The following ADAMTS20 variants were observed in gnomAD, a reference collection of about 807,000 sequenced individuals.
The protein encoded by ADAMTS20 is ADAM metallopeptidase with thrombospondin type 1 motif 20, also known as A disintegrin and metalloproteinase with thrombospondin motifs 20.
Under a neutral mutation model 260.1 loss-of-function variants are expected in ADAMTS20, and 225 were observed. That is an observed-to-expected ratio of 0.87 (90% CI 0.78 to 0.97). ADAMTS20 has a LOEUF of 0.97. Ranked by LOEUF, ADAMTS20 falls within the 50% of genes least tolerant of loss-of-function variation. ADAMTS20 has a pLI of 0.00. For missense variants in ADAMTS20, 2,400 were observed against 2,337.7 expected, an observed-to-expected ratio of 1.03 and a Z score of -0.55; for synonymous variants, 802 against 769.5, an observed-to-expected ratio of 1.04 and a Z score of -0.70.
In ADAMTS20 at chr12:43,383,558, C is replaced by T; in HGVS notation, c.4797G>A (p.Gln1599=). 2 of 1,605,582 alleles carry T rather than the reference C, an allele frequency of 1.2e-6. No homozygotes were observed. Among genetic ancestry groups the T allele is most frequent in the Non-Finnish European group, 1.7e-6 (2 of 1,176,172 alleles). Residue 1599 remains glutamine (Q), a splice_region_variant and synonymous_variant, in exon 31 of 39, where the codon CAG becomes CAA. Transcript: ENST00000389420. Reference sequence around the variant, plus strand: ...TCTCAACTTCCTTTCTTTACCTTACCTGTGATGAGTCTGCTGTTACCACAA... The same window carrying T: ...TCTCAACTTCCTTTCTTTACCTTACTTGTGATGAGTCTGCTGTTACCACAA... The part of the protein sequence containing the change: ...NYIVVTADSS[Q]CANNCGFSYR...
chr12:43,460,988 A>ATATATTTTTTTTTT, intron 11 of ADAMTS20, among the ~76,000 whole-genome samples: 4 of 26,396 alleles, frequency 1.5e-4, no homozygotes, highest in African/African-American at 3.8e-4. Flanking sequence ...ATATATATAT[A>ATATATTTTTTTTTT]TTTTTTTTTT....
intron 3 of ADAMTS20, among the ~76,000 whole-genome samples, chr12:43,515,132 A>C (rs977258038): frequency 6.6e-6 from 1 of 152,192 alleles, no homozygotes; most frequent in African/African-American, 2.4e-5. Context: ...ACAATCTCTA[A>C]CTATCTGCTC....
chr12:43,467,448 A>G (rs573672748), intron 8 of ADAMTS20, among the ~76,000 whole-genome samples: 6 of 152,078 alleles, frequency 3.9e-5, no homozygotes, highest in Admixed American at 2.6e-4. Flanking sequence ...GAACACTGAA[A>G]CCACTTAATT....
At chr12:43,388,867 A>G (rs1940539311) in intron 29 of ADAMTS20, among the ~76,000 whole-genome samples, 1 of 152,204 alleles carries the variant, frequency 6.6e-6, no homozygotes, top group Admixed American at 6.5e-5. Context: ...TTCTACATCC[A>G]GTGAGAGTCC....
rs574097080 is a variant in ADAMTS20 at position 43,378,883 on chromosome 12, T to C, written c.4798-1321A>G. Among the ~76,000 whole-genome samples the C allele has an allele frequency of 6.6e-5, 10 of 152,318 alleles. No homozygotes were observed. The South Asian group carries it at 1.7e-3, about 25-fold the overall frequency. Reference sequence around the variant, plus strand: ...TCAGTTTTTTCAGAACTCTAGAAACTGACCAAAGACTTGCAGCAATCCAGA... The same window carrying C: ...TCAGTTTTTTCAGAACTCTAGAAACCGACCAAAGACTTGCAGCAATCCAGA... On this transcript the variant is annotated intron_variant, in intron 31 of 38. Transcript: ENST00000389420.
At chr12:43,389,311 A>G (rs1048847450) in intron 29 of ADAMTS20, among the ~76,000 whole-genome samples, 2 of 152,216 alleles carry the variant, frequency 1.3e-5, no homozygotes, top group African/African-American at 4.8e-5. Context: ...ACACAACACA[A>G]TGGTGGTACA....
In ADAMTS20 at chr12:43,438,561, T is replaced by A. The variant is rs993518517; in HGVS notation, c.2593+1061A>T. Among the ~76,000 whole-genome samples the A allele has an allele frequency of 4.6e-5, 7 of 152,262 alleles. No individual in the cohort carries two copies. The East Asian group carries it at 1.4e-3, about 29-fold the overall frequency. ...ATCATTCTGGGAAGCACTGTCCAGA[T>A]GCCACAGGACCAAGACTGTGCCTTT... On this transcript the variant is annotated intron_variant, in intron 18 of 38. Coordinates refer to ENST00000389420, the MANE Select transcript of ADAMTS20 (RefSeq NM_025003.5).
intron 37 of ADAMTS20, among the ~76,000 whole-genome samples, chr12:43,362,161 T>C (rs1196266644): frequency 4.6e-5 from 7 of 152,188 alleles, no homozygotes; most frequent in Admixed American, 4.6e-4. Flanking sequence ...GAATGTATAA[T>C]CTCCATTTAA....
intron 3 of ADAMTS20, among the ~76,000 whole-genome samples, chr12:43,504,917 T>G (rs1433226524): frequency 6.6e-6 from 1 of 152,118 alleles, no homozygotes; most frequent in Non-Finnish European, 1.5e-5. Context: ...TCTGGCAAAT[T>G]TTAAATTAGA....
In ADAMTS20 at chr12:43,414,142, G is replaced by T. The variant is rs149581680; in HGVS notation, c.4284+11372C>A. Reference sequence around the variant, plus strand: ...ATTTTTTAAAAGGAGAAATAGTGCAGGGAGACTAATCTTTCTTCTCTTAAG... The same window carrying T: ...ATTTTTTAAAAGGAGAAATAGTGCATGGAGACTAATCTTTCTTCTCTTAAG... On this transcript the variant is annotated intron_variant, in intron 28 of 38. Transcript: ENST00000389420. Among the ~76,000 whole-genome samples the T allele has an allele frequency of 4.5e-4, 68 of 152,212 alleles. 1 individual carries two copies. In the East Asian group the frequency reaches 0.012, roughly 27 times the overall value.
At chr12:43,436,682 A>G (rs1209375539) in intron 18 of ADAMTS20, among the ~76,000 whole-genome samples, 1 of 152,184 alleles carries the variant, frequency 6.6e-6, no homozygotes, top group African/African-American at 2.4e-5. Flanking sequence ...CATAAGACAC[A>G]GCTGAGAAAA....
At chr12:43,361,701 G>T (rs146656824) in intron 37 of ADAMTS20, among the ~76,000 whole-genome samples, 265 of 152,288 alleles carry the variant, frequency 1.7e-3, no homozygotes, top group African/African-American at 6.0e-3. Flanking sequence ...GAGTTAGAAA[G>T]AAATGGAAAT....
At chr12:43,447,664 G>T (rs117414982) in intron 14 of ADAMTS20, among the ~76,000 whole-genome samples, 3,646 of 152,120 alleles carry the variant, frequency 0.024, 69 homozygotes, top group East Asian at 0.079. Context: ...AAGAAAAAAA[G>T]AAAGGGCATC....
At chr12:43,362,278 G>T (rs1465906588) in intron 37 of ADAMTS20, among the ~76,000 whole-genome samples, 1 of 152,166 alleles carries the variant, frequency 6.6e-6, no homozygotes, top group African/African-American at 2.4e-5. Flanking sequence ...TTAAGAACAC[G>T]TATAAAAAGA....
At chr12:43,429,879 C>T (rs1941407325) in intron 23 of ADAMTS20, among the ~76,000 whole-genome samples, 155 bp from the exon 24 acceptor site, 1 of 152,150 alleles carries the variant, frequency 6.6e-6, no homozygotes, top group Non-Finnish European at 1.5e-5. Context: ...GCACTAACTA[C>T]AGTATCGTCA....
chr12:43,363,913 G>A (rs1939928400), intron 37 of ADAMTS20, among the ~76,000 whole-genome samples: 1 of 152,134 alleles, frequency 6.6e-6, no homozygotes, highest in Non-Finnish European at 1.5e-5. Flanking sequence ...AGTTATTTAT[G>A]CCCCCAAAAT....
At chr12:43,479,659 A>G (rs752892398) in intron 7 of ADAMTS20, among the ~76,000 whole-genome samples, 1 of 152,084 alleles carries the variant, frequency 6.6e-6, no homozygotes, top group East Asian at 1.9e-4. Flanking sequence ...GAAAATACCA[A>G]TAAAAACTTA....
Position 43,506,462 on chromosome 12 carries a change from AT to A in ADAMTS20, c.614-4058del, listed in dbSNP as rs575834255. On this transcript the variant is annotated intron_variant, in intron 3 of 38. Transcript: ENST00000389420. ...AAGTGCACACGTAAAAAGGGTTAAG[AT>A]GGCAAACCTCATGTTACCTTTTTTT... is the stretch of plus-strand genomic sequence containing the variant. Among the ~76,000 whole-genome samples, 71 of 151,992 alleles carry A rather than the reference AT, an allele frequency of 4.7e-4. 2 individuals carry two copies. The highest frequency in any genetic ancestry group is 1.6e-3 in the African/African-American group (66 of 41,456).
chr12:43,384,652 GTGTCCATGTGTTCTCATTGTTCA>G (rs1220760417), intron 29 of ADAMTS20, among the ~76,000 whole-genome samples: 2 of 152,018 alleles, frequency 1.3e-5, no homozygotes, highest in Non-Finnish European at 2.9e-5. Flanking sequence ...TCCCCTCCAT[GTGTCCATGTGTTCTCATTGTTCA>G]ACTCCCACTT....
Sources: gnomAD v4.1 joint callset for allele counts (sites outside exome capture counted in the v4.1 genomes callset) on GRCh38, gnomAD v4.1.1 for gene constraint, MANE v1.5 for transcripts, NCBI Gene and HGNC (gene_info 2026-07-23, HGNC 2026-07-21) for gene names.